NAA11: variants seen among roughly 807,000 people sequenced by gnomAD.
NAA11 encodes the protein N-alpha-acetyltransferase 11.
A neutral mutation model predicts 16.1 loss-of-function variants in NAA11; 15 were observed. The ratio of observed to expected loss-of-function variants is 0.93; its 90% CI spans 0.62 to 1.44. The LOEUF is 1.44. Among genes scored for constraint, NAA11 ranks in the 40% most tolerant of loss-of-function variants. The probability of loss-of-function intolerance (pLI) is 0.00; values close to 1 mark genes in which losing one functional copy is unlikely to be tolerated. For synonymous variants in NAA11, 122 were observed against 112.4 expected (o/e 1.09, Z -0.54); for missense variants, 298 against 291.3 (o/e 1.02, Z -0.17).
chr4:79,189,143 C>A, the NAA11 span, among the ~76,000 whole-genome samples: 2 of 5,036 alleles, frequency 4.0e-4, no homozygotes, highest in Non-Finnish European at 9.0e-4. Context: ...GAGACTCCAT[C>A]TCAAAAAAAA....
At chr4:79,172,650 A>T in the NAA11 span, among the ~76,000 whole-genome samples, 1 of 152,056 alleles carries the variant, frequency 6.6e-6, no homozygotes, top group Non-Finnish European at 1.5e-5. Context: ...GAGGGTGGCA[A>T]AGGTTACCAA....
chr4:79,257,342 G>T (rs932514549), intron 2 of NAA11, among the ~76,000 whole-genome samples: 3 of 151,942 alleles, frequency 2.0e-5, no homozygotes, highest in Non-Finnish European at 2.9e-5. Flanking sequence ...TCTTGGTGTA[G>T]GTCATTTTGT....
At position 79,233,751 on chromosome 4, in the gene NAA11, G is replaced by A. The variant is rs192291608; in HGVS notation, c.*123-7481C>T. On this transcript the variant is annotated intron_variant and NMD_transcript_variant, in intron 2 of 2. Transcript: ENST00000511542. Reference sequence around the variant, plus strand: ...GCACTCTATTCCCCCACATGATCCAGAACTGCTAACAGTGTACTGTATCCA... The same window carrying A: ...GCACTCTATTCCCCCACATGATCCAAAACTGCTAACAGTGTACTGTATCCA... Among the ~76,000 whole-genome samples, 3 of 152,176 alleles carry A rather than the reference G, an allele frequency of 2.0e-5. No individual in the cohort carries two copies. In the East Asian group the frequency reaches 5.8e-4, roughly 29 times the overall value.
intron 2 of NAA11, among the ~76,000 whole-genome samples, chr4:79,288,425 G>T (rs1004566073): frequency 1.3e-5 from 2 of 152,104 alleles, no homozygotes; most frequent in Non-Finnish European, 2.9e-5. Flanking sequence ...CAAGGAAGAG[G>T]CATTAAAAGA....
chr4:79,290,815 T>G (rs937848360), intron 2 of NAA11, among the ~76,000 whole-genome samples: 8 of 152,204 alleles, frequency 5.3e-5, no homozygotes, highest in Non-Finnish European at 1.2e-4. Context: ...AATTAAGATT[T>G]AATAAAGATG....
the NAA11 span, among the ~76,000 whole-genome samples, chr4:79,206,911 A>G: frequency 2.6e-5 from 4 of 152,152 alleles, no homozygotes; most frequent in Admixed American, 2.6e-4. Flanking sequence ...AGCATCAAAG[A>G]ACAAGAATTT....
chr4:79,212,947 C>T, the NAA11 span, among the ~76,000 whole-genome samples: 2 of 152,090 alleles, frequency 1.3e-5, no homozygotes, highest in Non-Finnish European at 2.9e-5. Flanking sequence ...TTTATCTTAT[C>T]TCCACAATTA....
At chr4:79,298,278 AG>A in intron 1 of NAA11, among the ~76,000 whole-genome samples, 1 of 152,210 alleles carries the variant, frequency 6.6e-6, no homozygotes, top group Non-Finnish European at 1.5e-5. Flanking sequence ...TCACATGACA[AG>A]AAGTCGGGAC....
intron 1 of NAA11, among the ~76,000 whole-genome samples, chr4:79,305,801 A>G (rs530160601): frequency 7.9e-5 from 12 of 152,200 alleles, no homozygotes; most frequent in African/African-American, 2.9e-4. Flanking sequence ...AAGACTCTCA[A>G]ATGGTATAAC....
chr4:79,256,652 A>AATATATATATACATATATATATT (rs1491290215), intron 2 of NAA11, among the ~76,000 whole-genome samples: 1 of 27,420 alleles, frequency 3.6e-5, no homozygotes, highest in East Asian at 1.1e-3. Flanking sequence ...ATAAATATAA[A>AATATATATATACATATATATATT]TATATATATA....
intron 1 of NAA11, among the ~76,000 whole-genome samples, chr4:79,302,205 T>C (rs1008037669): frequency 3.3e-5 from 5 of 152,200 alleles, no homozygotes; most frequent in Admixed American, 2.6e-4. Context: ...ATATTACAGA[T>C]TTCTGCTTTG....
intron 1 of NAA11, among the ~76,000 whole-genome samples, chr4:79,297,055 C>T (rs916970810): frequency 1.3e-5 from 2 of 152,172 alleles, no homozygotes; most frequent in East Asian, 3.9e-4. Context: ...GACTGCACTG[C>T]TCCCACCCTC....
At chr4:79,304,656 G>C (rs11729373) in intron 1 of NAA11, among the ~76,000 whole-genome samples, 63,265 of 151,908 alleles carry the variant, frequency 0.42, 14,437 homozygotes, top group East Asian at 0.77. Flanking sequence ...TACTTTTCCT[G>C]CTCCATTTCA....
At chr4:79,289,855 T>A (rs1723040068) in intron 2 of NAA11, among the ~76,000 whole-genome samples, 1 of 152,194 alleles carries the variant, frequency 6.6e-6, no homozygotes, top group African/African-American at 2.4e-5. Flanking sequence ...TTTTACCACC[T>A]GGACCTGTGA....
At chr4:79,155,815 C>T in the NAA11 span, among the ~76,000 whole-genome samples, 1 of 152,188 alleles carries the variant, frequency 6.6e-6, no homozygotes, top group African/African-American at 2.4e-5. Flanking sequence ...TACCCATGGA[C>T]AAAGTAAATG....
chr4:79,238,205 G>C (rs1337856782), intron 2 of NAA11, among the ~76,000 whole-genome samples: 1 of 152,170 alleles, frequency 6.6e-6, no homozygotes, highest in Non-Finnish European at 1.5e-5. Context: ...CTGATGAAGA[G>C]CAGTTGTTTG....
At chr4:79,291,851 A>C (rs1406309018) in intron 2 of NAA11, among the ~76,000 whole-genome samples, 1 of 152,242 alleles carries the variant, frequency 6.6e-6, no homozygotes, top group African/African-American at 2.4e-5. Context: ...AATAGGACAT[A>C]GTAATAGTAA....
In NAA11 at chr4:79,325,139, A is replaced by C. The variant is rs371106696; in HGVS notation, c.*12+37T>G. ...AGGCCAAGGCAGGATGCAGGGATTTAGGAGAAGGGGGTACTGGGTCAGGGA... is the reference window on the plus strand; with the variant it reads ...AGGCCAAGGCAGGATGCAGGGATTTCGGAGAAGGGGGTACTGGGTCAGGGA... On this transcript the variant is annotated intron_variant, in intron 1 of 1. Coordinates refer to ENST00000286794, the MANE Select transcript of NAA11 (RefSeq NM_032693.3). 2,622 of 1,503,152 alleles carry C rather than the reference A, an allele frequency of 1.7e-3. 6 individuals are homozygous for C. Among genetic ancestry groups the C allele is most frequent in the Non-Finnish European group, 2.0e-3 (2,244 of 1,115,528 alleles). 93.1% of individuals were successfully genotyped at this position (1,503,152 alleles called of 1,614,324 possible).
At chr4:79,177,414 A>AG in the NAA11 span, among the ~76,000 whole-genome samples, 3 of 149,778 alleles carry the variant, frequency 2.0e-5, no homozygotes, top group African/African-American at 7.3e-5. Context: ...CAAAAAAAAA[A>AG]AACCATAAAC....
Sources: allele counts gnomAD v4.1 joint callset (sites outside exome capture counted in the v4.1 genomes callset), GRCh38; gene constraint gnomAD v4.1.1; transcripts MANE v1.5; gene names NCBI Gene and HGNC (gene_info 2026-07-23, HGNC 2026-07-21).